Variants in MYO9A observed in about 807,000 individuals in gnomAD.
The protein encoded by MYO9A is unconventional myosin-IXa.
In MYO9A, 103 loss-of-function variants were observed where a neutral mutation model predicts 293.3. The observed-to-expected ratio is 0.35, with a 90% confidence interval of 0.30 to 0.41. The LOEUF is 0.41. MYO9A is among the 10% of genes least tolerant of loss of function. The pLI, the probability that MYO9A is intolerant of heterozygous loss-of-function variation, is 1.00. For missense variants in MYO9A, 2,685 were observed against 3,033.0 expected, an observed-to-expected ratio of 0.89 and a Z score of 2.69; for synonymous variants, 1,001 against 1,035.7, an observed-to-expected ratio of 0.97 and a Z score of 0.64.
chr15:72,081,188 G>A (rs1282261473), intron 1 of MYO9A, among the ~76,000 whole-genome samples: 1 of 152,122 alleles, frequency 6.6e-6, no homozygotes, highest in African/African-American at 2.4e-5. Flanking sequence ...CACCAACTCT[G>A]TATATGTGTT....
chr15:72,027,829 A>C, intron 3 of MYO9A, 36 bp from the exon 4 acceptor site: 1 of 1,415,018 alleles, frequency 7.1e-7, no homozygotes, highest in Non-Finnish European at 9.9e-7. Context: ...TATAAATAAT[A>C]AAGTTTAATA....
intron 2 of MYO9A, among the ~76,000 whole-genome samples, chr15:72,037,536 C>G (rs2078092138): frequency 6.6e-6 from 1 of 152,090 alleles, no homozygotes; most frequent in Non-Finnish European, 1.5e-5. Flanking sequence ...AACAAACACA[C>G]AGAACCTCAT....
intron 33 of MYO9A, 22 bp downstream of exon 33, chr15:71,862,478 C>T (rs2056177509): frequency 6.6e-7 from 1 of 1,523,160 alleles, no homozygotes; most frequent in Admixed American, 1.7e-5. Flanking sequence ...AAAAATATTC[C>T]TCAAAGATCT....
intron 1 of MYO9A, among the ~76,000 whole-genome samples, chr15:72,073,256 A>C (rs1258368639): frequency 6.6e-6 from 1 of 152,222 alleles, no homozygotes; most frequent in Non-Finnish European, 1.5e-5. Flanking sequence ...AACTTGTAAC[A>C]TTTGCCCCAA....
chr15:71,960,071 T>C lies in MYO9A; in HGVS notation c.2012A>G (p.His671Arg). 2 of 1,613,992 alleles carry C rather than the reference T, an allele frequency of 1.2e-6. No individual in the cohort carries two copies. The highest frequency in any genetic ancestry group is 1.7e-6 in the Non-Finnish European group (2 of 1,179,940). The change falls in exon 14 of 42, where the codon CAT becomes CGT. Residue 671 changes from histidine to arginine, a missense_variant. Transcript: ENST00000356056. Reference protein sequence around the residue: ...VKDFREKNTDHMRPDIVALLR... With the variant: ...VKDFREKNTDRMRPDIVALLR... ...AAGAGCTACAATGTCTGGGCGCATA[T>C]GATCTGTATTTTTTTCCCGGAAATC...
Position 72,046,293 on chromosome 15 carries a change from G to A in MYO9A, c.271C>T (p.Arg91Ter), listed in dbSNP as rs772170464. The A allele has an allele frequency of 6.8e-6, 11 of 1,614,068 alleles. No individual in the cohort carries two copies. The highest frequency in any genetic ancestry group is 1.7e-5 in the Admixed American group (1 of 60,012). ...CPVQRMMLWP[R>*]MALENRLSGE... Reference sequence around the variant, plus strand: ...CTTAAGCGATTTTCCAGAGCCATTCGGGGCCACAGCATCATTCGCTGAACT... The same window carrying A: ...CTTAAGCGATTTTCCAGAGCCATTCAGGGCCACAGCATCATTCGCTGAACT... The change falls in exon 2 of 42, where the codon CGA becomes TGA. Residue 91 changes from arginine (R) to a stop codon, truncating the protein, a stop_gained. Transcript: ENST00000356056. LOFTEE classifies it high-confidence loss of function.
At chr15:71,890,203 T>G (rs1374123429) in intron 26 of MYO9A, 1 of 152,104 alleles carries the variant, frequency 6.6e-6, no homozygotes, top group Non-Finnish European at 1.5e-5. Context: ...GAAAGAAAAT[T>G]CAACACAGAC....
intron 1 of MYO9A, among the ~76,000 whole-genome samples, chr15:72,060,698 G>A (rs928349152): frequency 6.6e-6 from 1 of 152,178 alleles, no homozygotes; most frequent in Admixed American, 6.5e-5. Context: ...CTGAGTTCTG[G>A]CTAGCCCTAC....
In MYO9A at chr15:72,021,115, T is replaced by C. The variant is rs1045919910; in HGVS notation, c.999-98A>G. On this transcript the variant is annotated intron_variant, in intron 4 of 41. Transcript: ENST00000356056. ...AGCAAACAGTAATTAGTAAAATGTA[T>C]CAGCTTTGCTTCATTTTTTAATATA... is the stretch of plus-strand genomic sequence containing the variant. 14 of 683,618 alleles carry C rather than the reference T, an allele frequency of 2.0e-5. No individual in the cohort carries two copies. The African/African-American group carries it at 2.5e-4, about 12-fold the overall frequency. 42.3% of individuals were successfully genotyped at this position (683,618 alleles called of 1,614,324 possible). A position where few individuals can be genotyped will look rare whatever the true frequency, so the allele number is the denominator to read the frequency against.
At chr15:72,116,094 A>C (rs1253897964) in intron 1 of MYO9A, among the ~76,000 whole-genome samples, 2 of 152,238 alleles carry the variant, frequency 1.3e-5, no homozygotes, top group African/African-American at 4.8e-5. Context: ...GTAGGTTTAT[A>C]TATTGGAAAT....
At chr15:71,943,161 T>C (rs927025427) in intron 15 of MYO9A, among the ~76,000 whole-genome samples, 1 of 152,050 alleles carries the variant, frequency 6.6e-6, no homozygotes, top group Non-Finnish European at 1.5e-5. Context: ...GTTTTTCATT[T>C]ATTTCACTCT....
At chr15:72,114,862 C>T (rs2080911589) in intron 1 of MYO9A, among the ~76,000 whole-genome samples, 1 of 152,170 alleles carries the variant, frequency 6.6e-6, no homozygotes, top group Admixed American at 6.5e-5. Context: ...CCAAAAATCA[C>T]TCCAACTAAA....
intron 1 of MYO9A, among the ~76,000 whole-genome samples, chr15:72,111,223 C>T (rs1567053133): frequency 6.6e-6 from 1 of 151,680 alleles, no homozygotes; most frequent in Non-Finnish European, 1.5e-5. Flanking sequence ...CGCACAGTGG[C>T]TCACACCTAT....
chr15:71,849,062 T>C (rs2055517061), intron 38 of MYO9A, 94 bp from the exon 39 acceptor site: 2 of 1,244,680 alleles, frequency 1.6e-6, no homozygotes. Context: ...AGTTGAAAGA[T>C]GAAGGAAAAA....
intron 32 of MYO9A, among the ~76,000 whole-genome samples, chr15:71,869,700 A>T (rs779008101): frequency 5.9e-5 from 9 of 152,184 alleles, no homozygotes; most frequent in Non-Finnish European, 1.3e-4. Flanking sequence ...GCAAAACCAA[A>T]ATGAAACAAA....
intron 38 of MYO9A, among the ~76,000 whole-genome samples, chr15:71,849,298 A>T (rs1321873019): frequency 6.6e-6 from 1 of 151,980 alleles, no homozygotes; most frequent in African/African-American, 2.4e-5. Flanking sequence ...AAAAATACTA[A>T]ATCAGCCAGG....
At chr15:71,923,029 G>A (rs1370924347) in intron 18 of MYO9A, among the ~76,000 whole-genome samples, 3 of 151,936 alleles carry the variant, frequency 2.0e-5, no homozygotes, top group African/African-American at 7.3e-5. Flanking sequence ...TCTGTCATGT[G>A]GTCTTTATTA....
intron 1 of MYO9A, among the ~76,000 whole-genome samples, chr15:72,065,599 C>T (rs1476622306): frequency 6.7e-6 from 1 of 149,648 alleles, no homozygotes; most frequent in Non-Finnish European, 1.5e-5. Context: ...ACACTAGGTA[C>T]TAACCATAAA....
intron 30 of MYO9A, among the ~76,000 whole-genome samples, chr15:71,879,149 C>A (rs1356242296): frequency 2.0e-5 from 3 of 152,074 alleles, no homozygotes; most frequent in African/African-American, 4.8e-5. Context: ...AATATGAATT[C>A]TTTTACAGAA....
Sources: gnomAD v4.1 joint callset for allele counts (sites outside exome capture counted in the v4.1 genomes callset) on GRCh38, gnomAD v4.1.1 for gene constraint, MANE v1.5 for transcripts, NCBI Gene and HGNC (gene_info 2026-07-23, HGNC 2026-07-21) for gene names.